CCDC148: variants seen among roughly 807,000 people sequenced by gnomAD.
CCDC148 encodes coiled-coil domain containing 148, also known as coiled-coil domain-containing protein 148.
In CCDC148, 89 loss-of-function variants were observed where a neutral mutation model predicts 85.7. The observed-to-expected ratio is 1.04, with a 90% CI of 0.87 to 1.24. The LOEUF (loss-of-function observed/expected upper bound fraction) is 1.24, where lower values mean the gene tolerates loss of function less well. Among genes scored for constraint, CCDC148 ranks in the 50% most tolerant of loss-of-function variants. The pLI is 0.00. For missense variants in CCDC148, 692 were observed against 671.7 expected (o/e 1.03, Z -0.33); for synonymous variants, 230 against 213.9 (o/e 1.08, Z -0.66).
At chr2:158,324,107 G>A (rs1284632094) in intron 7 of CCDC148, among the ~76,000 whole-genome samples, 1 of 151,404 alleles carries the variant, frequency 6.6e-6, no homozygotes, top group African/African-American at 2.4e-5. Flanking sequence ...TAGTAGAGAC[G>A]GGGTTTCACC....
At position 158,428,701 on chromosome 2, in the gene CCDC148, G is replaced by A. The variant is rs1427577725; in HGVS notation, c.25+27714C>T. Among the ~76,000 whole-genome samples the A allele has an allele frequency of 4.6e-5, 7 of 151,702 alleles. No individual in the cohort carries two copies. The East Asian group carries it at 9.7e-4, about 21-fold the overall frequency. Reference sequence around the variant, plus strand: ...ACACTGTTGGTGGGACTTTAAACTAGTTCAACCATTGCGGAAGACAGTGTG... The same window carrying A: ...ACACTGTTGGTGGGACTTTAAACTAATTCAACCATTGCGGAAGACAGTGTG... On this transcript the variant is annotated intron_variant, in intron 1 of 13. Coordinates refer to ENST00000283233, the MANE Select transcript of CCDC148 (RefSeq NM_138803.4).
chr2:158,371,455 T>C (rs1684437640), intron 1 of CCDC148, among the ~76,000 whole-genome samples: 1 of 152,030 alleles, frequency 6.6e-6, no homozygotes, highest in Non-Finnish European at 1.5e-5. Context: ...CCTACTTGCC[T>C]CTAACAGAAG....
chr2:158,416,064 C>A (rs1686486107), intron 1 of CCDC148, among the ~76,000 whole-genome samples: 1 of 152,224 alleles, frequency 6.6e-6, no homozygotes, highest in South Asian at 2.1e-4. Context: ...GCAGGCTTAA[C>A]ACCACATGGA....
At chr2:158,380,539 T>C (rs1268265768) in intron 1 of CCDC148, among the ~76,000 whole-genome samples, 1 of 152,130 alleles carries the variant, frequency 6.6e-6, no homozygotes, top group Non-Finnish European at 1.5e-5. Flanking sequence ...ATTGTAAAAA[T>C]GTCAACTCTT....
chr2:158,452,789 A>G (rs1368629938), intron 1 of CCDC148, among the ~76,000 whole-genome samples: 1 of 152,174 alleles, frequency 6.6e-6, no homozygotes, highest in Non-Finnish European at 1.5e-5. Flanking sequence ...GGCTGTGGAT[A>G]TACGTACTAG....
intron 9 of CCDC148, among the ~76,000 whole-genome samples, chr2:158,261,771 T>C (rs1689234545): frequency 2.6e-5 from 4 of 151,972 alleles, no homozygotes; most frequent in Admixed American, 2.6e-4. Context: ...TAAAGCTCAA[T>C]ATCCCTGATC....
At chr2:158,237,738 T>C (rs1372278786) in intron 10 of CCDC148, among the ~76,000 whole-genome samples, 1 of 152,168 alleles carries the variant, frequency 6.6e-6, no homozygotes, top group African/African-American at 2.4e-5. Context: ...ATAAATGGTA[T>C]ACGAAGTCAT....
At chr2:158,373,226 T>C (rs1684521127) in intron 1 of CCDC148, among the ~76,000 whole-genome samples, 1 of 151,918 alleles carries the variant, frequency 6.6e-6, no homozygotes, top group East Asian at 1.9e-4. Flanking sequence ...ACCCAAACAA[T>C]GCAGGTAGCC....
At chr2:158,280,069 C>T (rs1251374639) in intron 9 of CCDC148, among the ~76,000 whole-genome samples, 1 of 151,828 alleles carries the variant, frequency 6.6e-6, no homozygotes, top group African/African-American at 2.4e-5. Flanking sequence ...TACAGACAAG[C>T]AAATGCTGAG....
chr2:158,187,397 C>T (rs970337390), intron 11 of CCDC148, among the ~76,000 whole-genome samples: 1 of 152,024 alleles, frequency 6.6e-6, no homozygotes. Context: ...TCAACTCTGG[C>T]TCCCTTTTCA....
chr2:158,387,231 C>G (rs1175316113), intron 1 of CCDC148, among the ~76,000 whole-genome samples: 1 of 151,992 alleles, frequency 6.6e-6, no homozygotes. Flanking sequence ...GATGTCACTA[C>G]TTCTAGGCTC....
At chr2:158,451,569 G>A (rs990759075) in intron 1 of CCDC148, among the ~76,000 whole-genome samples, 11 of 151,924 alleles carry the variant, frequency 7.2e-5, no homozygotes, top group African/African-American at 2.7e-4. Flanking sequence ...TACCAATGAT[G>A]CGGCAAAATG....
At chr2:158,321,770 A>G (rs1251111362) in intron 7 of CCDC148, among the ~76,000 whole-genome samples, 1 of 152,184 alleles carries the variant, frequency 6.6e-6, no homozygotes, top group Non-Finnish European at 1.5e-5. Context: ...TCTGATGCTG[A>G]CTTTTATCCA....
intron 10 of CCDC148, among the ~76,000 whole-genome samples, chr2:158,241,194 C>G (rs1260222385): frequency 6.6e-6 from 1 of 152,182 alleles, no homozygotes; most frequent in Non-Finnish European, 1.5e-5. Flanking sequence ...TGTGTGTACA[C>G]ATGCATATAC....
chr2:158,408,497 C>T (rs2105312370), intron 1 of CCDC148, among the ~76,000 whole-genome samples: 1 of 152,150 alleles, frequency 6.6e-6, no homozygotes, highest in Middle Eastern at 3.4e-3. Flanking sequence ...TCTTTCTGTA[C>T]CTGGCTTATT....
chr2:158,280,718 C>G (rs527569662), intron 9 of CCDC148, among the ~76,000 whole-genome samples: 7 of 152,236 alleles, frequency 4.6e-5, no homozygotes, highest in East Asian at 1.9e-4. Flanking sequence ...GACAGATCAA[C>G]GAGACAGAAA....
In CCDC148 at chr2:158,338,771, T is replaced by C. The variant is rs773979843; in HGVS notation, c.719A>G (p.Gln240Arg). ...CAGATTAAAGTCTTGAAGCTTCTTCTGATATTTCTGTGTAAACTTATAGAA... is the reference window on the plus strand; with the variant it reads ...CAGATTAAAGTCTTGAAGCTTCTTCCGATATTTCTGTGTAAACTTATAGAA... ...SEFYKFTQKY[Q>R]KKLQDFNLQL... The change falls in exon 7 of 14, where the codon CAG becomes CGG. Residue 240 changes from glutamine to arginine, a missense_variant. Physicochemically the swap from Gln to Arg is conservative, Grantham distance 43. Coordinates refer to ENST00000283233, the MANE Select transcript of CCDC148 (RefSeq NM_138803.4). The C allele has an allele frequency of 6.2e-7, 1 of 1,610,436 alleles. No individual in the cohort carries two copies. Among genetic ancestry groups the C allele is most frequent in the Non-Finnish European group, 8.5e-7 (1 of 1,179,170 alleles).
intron 1 of CCDC148, among the ~76,000 whole-genome samples, chr2:158,394,623 A>C (rs1028124246): frequency 6.6e-6 from 1 of 152,012 alleles, no homozygotes; most frequent in Non-Finnish European, 1.5e-5. Context: ...GAAAAAAAAA[A>C]ACTGTGGAGA....
At position 158,319,978 on chromosome 2, in the gene CCDC148, T is replaced by C. The variant is rs79965626; in HGVS notation, c.765-6084A>G. Among the ~76,000 whole-genome samples, 1,460 of 152,334 alleles carry C rather than the reference T, an allele frequency of 9.6e-3. 19 individuals are homozygous for C. Among genetic ancestry groups the C allele is most frequent in the African/African-American group, 0.033 (1,353 of 41,570 alleles). On this transcript the variant is annotated intron_variant, in intron 7 of 13. Coordinates refer to ENST00000283233, the MANE Select transcript of CCDC148 (RefSeq NM_138803.4). ...TTGCTCTATGTTTTAAATCCTTATA[T>C]TGAGCCAAAATCTGTCTCCATGTTA...
Sources: gnomAD v4.1 joint callset for allele counts (sites outside exome capture counted in the v4.1 genomes callset) on GRCh38, gnomAD v4.1.1 for gene constraint, MANE v1.5 for transcripts, NCBI Gene and HGNC (gene_info 2026-07-23, HGNC 2026-07-21) for gene names.